POLN: variants seen among roughly 807,000 people sequenced by gnomAD.
POLN encodes the protein DNA polymerase nu.
POLN carries 108 observed loss-of-function variants against 113.5 expected under a neutral mutation model. The observed-to-expected ratio is 0.95, with a 90% CI of 0.81 to 1.12. The LOEUF (loss-of-function observed/expected upper bound fraction) is 1.12. Ranked by LOEUF, POLN falls within the 50% of genes most tolerant of loss-of-function variation. POLN has a pLI of 0.00. For synonymous variants in POLN, 386 were observed against 391.5 expected, an observed-to-expected ratio of 0.99 and a Z score of 0.17; for missense variants, 1,097 against 1,077.1, an observed-to-expected ratio of 1.02 and a Z score of -0.26.
In POLN at chr4:2,128,201, G is replaced by A. The variant is rs1731631411; in HGVS notation, c.1894C>T (p.Leu632Phe). 2 of 1,610,282 alleles carry A rather than the reference G, an allele frequency of 1.2e-6. No individual in the cohort carries two copies. The highest frequency in any genetic ancestry group is 1.7e-5 in the Admixed American group (1 of 59,960). ...TCCGGATCTCCAGATAAATGTGTAA[G>A]AATGCGCAATTCAATCTGTGAAAAG... ...ADFSQIELRI[L>F]THLSGDPELL... is the part of the protein sequence containing the mutation. The change falls in exon 19 of 26, where the codon CTT (leucine) becomes TTT (phenylalanine). Residue 632 changes from leucine (L) to phenylalanine (F), a missense_variant. Leu to Phe is a conservative substitution (Grantham distance 22). Coordinates refer to ENST00000511885, the MANE Select transcript of POLN (RefSeq NM_181808.4).
intron 3 of POLN, among the ~76,000 whole-genome samples, chr4:2,225,210 G>A (rs997049833): frequency 5.3e-5 from 8 of 151,610 alleles, no homozygotes; most frequent in Admixed American, 3.9e-4. Flanking sequence ...GAGAGGGTTC[G>A]ACAAGCAAAA....
Position 2,085,654 on chromosome 4 carries a change from T to C in POLN, c.2156A>G (p.Lys719Arg), listed in dbSNP as rs1191429350. 1.2e-6 allele frequency: 2 copies of C among 1,614,156 alleles called. No homozygotes were observed. Among genetic ancestry groups the C allele is most frequent in the East Asian group, 4.5e-5 (2 of 44,890 alleles). The stretch of plus-strand genomic sequence containing the variant: ...GGCAATAGCTGCTCGGGCGAAGTCC[T>C]TGATTTTCTTGTACTTCTGCAAAAA... ...ESFLQKYKKI[K>R]DFARAAIAQC... The change falls in exon 21 of 26, where the codon AAG becomes AGG. Residue 719 changes from lysine (K) to arginine (R), a missense_variant. By Grantham distance (26) the Lys-to-Arg change is conservative. Coordinates refer to ENST00000511885, the MANE Select transcript of POLN (RefSeq NM_181808.4).
chr4:2,100,328 G>A (rs552638271), intron 19 of POLN, among the ~76,000 whole-genome samples: 124 of 152,212 alleles, frequency 8.1e-4, no homozygotes, highest in African/African-American at 2.9e-3. Flanking sequence ...GTAAATACAG[G>A]AGAGTCAATA....
At chr4:2,150,045 T>C (rs1732253094) in intron 16 of POLN, among the ~76,000 whole-genome samples, 2 of 152,030 alleles carry the variant, frequency 1.3e-5, no homozygotes, top group South Asian at 4.1e-4. Context: ...ATCACGCCAC[T>C]GCACTCCAGC....
intron 2 of POLN, among the ~76,000 whole-genome samples, chr4:2,233,677 T>G (rs145112001): frequency 1.3e-5 from 2 of 152,350 alleles, no homozygotes; most frequent in East Asian, 3.9e-4. Flanking sequence ...TTTTAACATA[T>G]GCCCAAGAGT....
intron 7 of POLN, 93 bp from the exon 8 acceptor site, chr4:2,179,558 T>A: frequency 8.2e-7 from 1 of 1,218,536 alleles, no homozygotes. Context: ...CGAATAGTAG[T>A]AGTATTGTCA....
intron 1 of POLN, 97 bp downstream of exon 1, chr4:2,241,954 G>T: frequency 3.0e-6 from 3 of 985,524 alleles, no homozygotes; most frequent in Non-Finnish European, 3.6e-6. Flanking sequence ...CCCCAGGAGC[G>T]CAGGAAAAAA....
intron 19 of POLN, among the ~76,000 whole-genome samples, chr4:2,103,781 C>T (rs1030426384): frequency 2.0e-5 from 3 of 152,126 alleles, no homozygotes; most frequent in Non-Finnish European, 4.4e-5. Flanking sequence ...CCTTACAAGC[C>T]AGAAGAGAAT....
At chr4:2,140,644 A>G (rs1731976710) in intron 16 of POLN, among the ~76,000 whole-genome samples, 1 of 151,982 alleles carries the variant, frequency 6.6e-6, no homozygotes. Context: ...GCTACTCAGG[A>G]GGCTGAGGCA....
At chr4:2,079,562 G>A in intron 23 of POLN, 1 of 985,570 alleles carries the variant, frequency 1.0e-6, no homozygotes, top group Non-Finnish European at 1.2e-6. Context: ...GCAGTGAGAT[G>A]GGGCAGGAGA....
intron 5 of POLN, among the ~76,000 whole-genome samples, chr4:2,201,418 C>T (rs1733712900): frequency 6.7e-6 from 1 of 149,810 alleles, no homozygotes; most frequent in Non-Finnish European, 1.5e-5. Flanking sequence ...GAAAATCTCA[C>T]CATTAGAATC....
intron 3 of POLN, among the ~76,000 whole-genome samples, chr4:2,225,787 G>A (rs1217763390): frequency 1.3e-5 from 2 of 151,972 alleles, no homozygotes; most frequent in African/African-American, 4.8e-5. Flanking sequence ...AATCGTGTGA[G>A]CCCAGGAGTT....
intron 4 of POLN, among the ~76,000 whole-genome samples, chr4:2,210,007 T>TTATATATATA (rs139428211): frequency 6.8e-6 from 1 of 146,164 alleles, no homozygotes; most frequent in African/African-American, 2.5e-5. Context: ...TAAATTTACT[T>TTATATATATA]TATATATATA....
intron 12 of POLN, 82 bp downstream of exon 12, chr4:2,171,016 A>T: frequency 7.9e-7 from 1 of 1,258,226 alleles, no homozygotes; most frequent in Non-Finnish European, 1.1e-6. Context: ...ACATAAAATA[A>T]TACTTATAAA....
chr4:2,105,692 C>A (rs1731048064), intron 19 of POLN, among the ~76,000 whole-genome samples: 1 of 151,932 alleles, frequency 6.6e-6, no homozygotes, highest in African/African-American at 2.4e-5. Flanking sequence ...GGACATGAAT[C>A]CAACACATGT....
At chr4:2,073,902 C>T (rs540289841) in intron 24 of POLN, among the ~76,000 whole-genome samples, 61 of 152,346 alleles carry the variant, frequency 4.0e-4, no homozygotes, top group African/African-American at 5.8e-4. Flanking sequence ...GTGCAGGAGC[C>T]GGTCACCGTC....
chr4:2,137,987 C>T (rs1010302313), intron 16 of POLN, among the ~76,000 whole-genome samples: 14 of 152,034 alleles, frequency 9.2e-5, no homozygotes, highest in Admixed American at 4.6e-4. Context: ...TATAGGTGTA[C>T]GCCACCACGC....
At position 2,072,031 on chromosome 4, in the gene POLN, G is replaced by T; in HGVS notation, c.*83C>A. On this transcript the variant is annotated 3_prime_UTR_variant, in exon 26 of 26. Transcript: ENST00000511885. The stretch of plus-strand genomic sequence containing the variant: ...AGCCCCAAAGGGTTAATGCGTCCTG[G>T]GGCGTACAGAGCTGGTGACCTTGGG... 1 of 1,481,336 alleles carries T rather than the reference G, an allele frequency of 6.8e-7. No individual in the cohort carries two copies. Among genetic ancestry groups the T allele is most frequent in the South Asian group, 1.1e-5 (1 of 88,060 alleles). The allele number at this position is 1,481,336 out of a possible 1,614,324, so 91.8% of individuals were successfully genotyped here.
chr4:2,201,971 G>A (rs1398152868), intron 5 of POLN, among the ~76,000 whole-genome samples: 1 of 152,136 alleles, frequency 6.6e-6, no homozygotes, highest in Non-Finnish European at 1.5e-5. Context: ...ACAAACAAAT[G>A]CTGAGAGAAA....
Sources: gnomAD v4.1 joint callset for allele counts (sites outside exome capture counted in the v4.1 genomes callset) on GRCh38, gnomAD v4.1.1 for gene constraint, MANE v1.5 for transcripts, NCBI Gene and HGNC (gene_info 2026-07-23, HGNC 2026-07-21) for gene names.